ABCA13: variants seen among roughly 807,000 people sequenced by gnomAD.
ABCA13 encodes ATP-binding cassette sub-family A member 13.
A neutral mutation model predicts 478.7 loss-of-function variants in ABCA13; 476 were observed. That is an observed-to-expected ratio of 0.99 (90% CI 0.92 to 1.07). The LOEUF is 1.07. Ranked by LOEUF, ABCA13 falls within the 50% of genes least tolerant of loss-of-function variation. The pLI, the probability that ABCA13 is intolerant of heterozygous loss-of-function variation, is 0.00. For synonymous variants in ABCA13, 2,252 were observed against 2,158.9 expected, an observed-to-expected ratio of 1.04 and a Z score of -1.20; for missense variants, 6,060 against 5,910.6, an observed-to-expected ratio of 1.03 and a Z score of -0.83.
chr7:48,599,351 G>A (rs2131468108), intron 58 of ABCA13, among the ~76,000 whole-genome samples: 1 of 151,132 alleles, frequency 6.6e-6, no homozygotes, highest in East Asian at 1.9e-4. Context: ...ACTTTTTAAT[G>A]GCCTACCAGA....
intron 43 of ABCA13, among the ~76,000 whole-genome samples, chr7:48,458,555 A>G (rs1322613028): frequency 6.6e-6 from 1 of 152,232 alleles, no homozygotes; most frequent in Admixed American, 6.5e-5. Flanking sequence ...TAGTGTTCTG[A>G]CAATTCTCAA....
chr7:48,204,356 G>A (rs965363577), intron 3 of ABCA13, among the ~76,000 whole-genome samples: 1 of 151,684 alleles, frequency 6.6e-6, no homozygotes, highest in African/African-American at 2.4e-5. Context: ...ACTACAGGCG[G>A]GTGCCACCAT....
chr7:48,314,158 A>T, intron 25 of ABCA13, 74 bp from the exon 26 acceptor site: 1 of 1,475,376 alleles, frequency 6.8e-7, no homozygotes, highest in Non-Finnish European at 9.2e-7. Context: ...GGAAGGAACT[A>T]GACTTTCAGA....
At chr7:48,245,641 G>T (rs778323569) in intron 12 of ABCA13, 29 bp downstream of exon 12, 2 of 1,577,578 alleles carry the variant, frequency 1.3e-6, no homozygotes, top group Non-Finnish European at 1.7e-6. Context: ...TTATAAATAA[G>T]CATTTTTAAT....
rs185790548 is a variant in ABCA13, at chr7:48,465,271, T to C, written c.12816-1685T>C. On this transcript the variant is annotated intron_variant, in intron 43 of 61. Coordinates refer to ENST00000435803, the MANE Select transcript of ABCA13 (RefSeq NM_152701.5). ...AATTAGAGAAATTGGGAGTCTGTAA[T>C]GTTCCATTCTATGTGTACGGTCACA... Among the ~76,000 whole-genome samples the C allele has an allele frequency of 2.5e-4, 38 of 152,346 alleles. 1 individual carries two copies. The highest frequency in any genetic ancestry group is 2.2e-3 in the Admixed American group (34 of 15,310).
chr7:48,327,793 T>C lies in ABCA13; in HGVS notation c.10000-7629T>C, dbSNP rs374546270. 2.6e-5 allele frequency among the ~76,000 whole-genome samples: 4 copies of C among 152,300 alleles called. No individual in the cohort carries two copies. The East Asian group carries it at 5.8e-4, about 22-fold the overall frequency. On this transcript the variant is annotated intron_variant, in intron 27 of 61. Coordinates refer to ENST00000435803, the MANE Select transcript of ABCA13 (RefSeq NM_152701.5). ...ATACTGGGTACCTAATTTACCTCAT[T>C]TTAAAAAATAACTTTGTGTAGCAAT...
At chr7:48,450,929 C>A (rs1484383345) in intron 42 of ABCA13, among the ~76,000 whole-genome samples, 1 of 151,452 alleles carries the variant, frequency 6.6e-6, no homozygotes, top group Non-Finnish European at 1.5e-5. Flanking sequence ...TCAGTTAATA[C>A]CTACACATTA....
chr7:48,312,607 GT>G (rs1161919615), intron 24 of ABCA13, among the ~76,000 whole-genome samples: 1 of 152,152 alleles, frequency 6.6e-6, no homozygotes, highest in Non-Finnish European at 1.5e-5. Flanking sequence ...TCAAGCCCCA[GT>G]TTTCTCATCC....
Position 48,520,265 on chromosome 7 carries a change from G to A in ABCA13, c.14022G>A (p.Leu4674=), listed in dbSNP as rs1832451252. The A allele has an allele frequency of 6.2e-7, 1 of 1,613,104 alleles. No homozygotes were observed. Residue 4674 remains leucine (L), a synonymous_variant, in exon 53 of 62, where the codon CTG becomes CTA. Transcript: ENST00000435803. ...CAGTACTTCTCCTCTTGAGGGTTCTGCTACACTGGGACCTTCTGCGATGGC... is the reference window on the plus strand; with the variant it reads ...CAGTACTTCTCCTCTTGAGGGTTCTACTACACTGGGACCTTCTGCGATGGC... ...QGTVLLLLRV[L]LHWDLLRWPR... is the part of the protein sequence containing the mutation.
intron 1 of ABCA13, among the ~76,000 whole-genome samples, chr7:48,177,440 C>T (rs937398621): frequency 1.3e-5 from 2 of 152,194 alleles, no homozygotes; most frequent in Non-Finnish European, 2.9e-5. Context: ...CAGCCACCTG[C>T]GAGCCAGTGC....
intron 6 of ABCA13, among the ~76,000 whole-genome samples, chr7:48,229,224 T>C (rs1788695050): frequency 6.6e-6 from 1 of 151,934 alleles, no homozygotes; most frequent in African/African-American, 2.4e-5. Context: ...TATTTATTTA[T>C]AAAATAAAAT....
At chr7:48,547,179 C>A (rs1285819164) in intron 55 of ABCA13, among the ~76,000 whole-genome samples, 5 of 151,584 alleles carry the variant, frequency 3.3e-5, no homozygotes, top group Non-Finnish European at 7.4e-5. Context: ...TTTTTTCATT[C>A]ATTTCATTCA....
intron 8 of ABCA13, among the ~76,000 whole-genome samples, chr7:48,235,040 C>T (rs115296513): frequency 5.5e-4 from 84 of 152,290 alleles, no homozygotes; most frequent in African/African-American, 1.8e-3. Flanking sequence ...AGTATTTAGA[C>T]TCTGGATCTG....
intron 57 of ABCA13, among the ~76,000 whole-genome samples, chr7:48,592,871 GA>G (rs1174709550): frequency 6.6e-6 from 1 of 151,654 alleles, no homozygotes; most frequent in Non-Finnish European, 1.5e-5. Context: ...TATTTTGTGT[GA>G]CATAAATATA....
intron 59 of ABCA13, among the ~76,000 whole-genome samples, chr7:48,637,224 C>T (rs1266587186): frequency 2.0e-5 from 3 of 151,734 alleles, no homozygotes; most frequent in African/African-American, 7.3e-5. Flanking sequence ...GAGTGGGGTG[C>T]TGGCTTTGAA....
At chr7:48,457,034 C>T (rs1825750908) in intron 43 of ABCA13, among the ~76,000 whole-genome samples, 2 of 151,586 alleles carry the variant, frequency 1.3e-5, no homozygotes. Flanking sequence ...TTATGGTGTA[C>T]TTACTATATG....
chr7:48,561,172 C>T (rs923783738), intron 55 of ABCA13, among the ~76,000 whole-genome samples: 2 of 151,988 alleles, frequency 1.3e-5, no homozygotes, highest in East Asian at 3.9e-4. Context: ...GATTCCATAA[C>T]TTAGCTATTG....
chr7:48,335,859 C>A (rs1413618832), intron 28 of ABCA13, among the ~76,000 whole-genome samples: 3 of 152,132 alleles, frequency 2.0e-5, no homozygotes, highest in Non-Finnish European at 4.4e-5. Flanking sequence ...ATGATCATTT[C>A]TGCATATTCT....
At chr7:48,622,268 T>TC (rs749773967) in intron 59 of ABCA13, among the ~76,000 whole-genome samples, 55 of 152,314 alleles carry the variant, frequency 3.6e-4, no homozygotes, top group Non-Finnish European at 6.8e-4. Flanking sequence ...ATTTGTTCTT[T>TC]CTGCCGAACC....
Sources: gnomAD v4.1 joint callset for allele counts (sites outside exome capture counted in the v4.1 genomes callset) on GRCh38, gnomAD v4.1.1 for gene constraint, MANE v1.5 for transcripts, NCBI Gene and HGNC (gene_info 2026-07-23, HGNC 2026-07-21) for gene names.